PIK3C2B: variants seen among roughly 807,000 people sequenced by gnomAD.
The protein encoded by PIK3C2B is phosphatidylinositol 4-phosphate 3-kinase C2 domain-containing subunit beta.
Under a neutral mutation model 184.3 loss-of-function variants are expected in PIK3C2B, and 83 were observed. That is an observed-to-expected ratio of 0.45 (90% CI 0.38 to 0.54). The LOEUF is 0.54. PIK3C2B is among the 20% of genes least tolerant of loss of function. The probability of loss-of-function intolerance (pLI) is 0.00; values close to 1 mark genes in which losing one functional copy is unlikely to be tolerated. For synonymous variants in PIK3C2B, 779 were observed against 837.6 expected (o/e 0.93, Z 1.21); for missense variants, 1,736 against 2,113.5 (o/e 0.82, Z 3.50).
At chr1:204,472,614 A>C (rs1656386139) in intron 1 of PIK3C2B, among the ~76,000 whole-genome samples, 1 of 152,082 alleles carries the variant, frequency 6.6e-6, no homozygotes. Context: ...CCTCGTTTCT[A>C]CTAAAAATAC....
Position 204,468,986 on chromosome 1 carries a change from G to A in PIK3C2B, c.817C>T (p.Pro273Ser). 6.2e-7 allele frequency: 1 copy of A among 1,614,204 alleles called. No individual in the cohort carries two copies. Among genetic ancestry groups the A allele is most frequent in the Non-Finnish European group, 8.5e-7 (1 of 1,180,034 alleles). Reference protein sequence around the residue: ...LDFSKDTSGKPVARSKTMPPQ... With the variant: ...LDFSKDTSGKSVARSKTMPPQ... The stretch of plus-strand genomic sequence containing the variant: ...GGCATAGTCTTGCTCCTGGCCACGG[G>A]TTTTCCAGAGGTGTCTTTGCTGAAG... Residue 273 changes from proline to serine, a missense_variant, in exon 2 of 33, where the codon CCC (proline) becomes TCC (serine). By Grantham distance (74) the Pro-to-Ser change is moderately conservative. Coordinates refer to ENST00000684373, the MANE Select transcript of PIK3C2B (RefSeq NM_001377334.1).
chr1:204,466,987 A>C, intron 2 of PIK3C2B: 1 of 516,860 alleles, frequency 1.9e-6, no homozygotes, highest in South Asian at 1.4e-5. Flanking sequence ...CCCCCCTCCC[A>C]GCAGGCTGAG....
At chr1:204,461,351 C>G (rs1450172655) in intron 5 of PIK3C2B, among the ~76,000 whole-genome samples, 1 of 152,198 alleles carries the variant, frequency 6.6e-6, no homozygotes, top group Admixed American at 6.5e-5. Flanking sequence ...TAGGAGCCCT[C>G]GGCGATCCAA....
chr1:204,448,604 T>G (rs1265730145), intron 14 of PIK3C2B, among the ~76,000 whole-genome samples: 3 of 145,104 alleles, frequency 2.1e-5, no homozygotes, highest in African/African-American at 7.7e-5. Flanking sequence ...TGCCATTGCA[T>G]TCCAGCCTGG....
In PIK3C2B at chr1:204,441,463, A is replaced by G. The variant is rs1382030726; in HGVS notation, c.3249+8T>C. 1 of 1,591,488 alleles carries G rather than the reference A, an allele frequency of 6.3e-7. No individual in the cohort carries two copies. Among genetic ancestry groups the G allele is most frequent in the African/African-American group, 1.3e-5 (1 of 74,380 alleles). On this transcript the variant is annotated splice_region_variant and intron_variant, in intron 21 of 32. Transcript: ENST00000684373. ...CTGGTCCACCAGGCTTGAGTAAAGT[A>G]TTCTCACCTTGAAGATGACACGGAT... is the stretch of plus-strand genomic sequence containing the variant.
At chr1:204,431,598 A>G in intron 28 of PIK3C2B, 71 bp downstream of exon 28, 1 of 1,588,410 alleles carries the variant, frequency 6.3e-7, no homozygotes, top group Middle Eastern at 2.2e-4. Context: ...TGCAGCCCTG[A>G]CCACCTCCCA....
rs190353564 is a variant in PIK3C2B at position 204,437,586 on chromosome 1, G to A, written c.3516+1349C>T. 1.6e-3 allele frequency among the ~76,000 whole-genome samples: 241 copies of A among 152,264 alleles called. 1 individual carries two copies. The highest frequency in any genetic ancestry group is 5.4e-3 in the African/African-American group (226 of 41,534). ...AGGCATTCCAGTGGTTCAGGGGACC[G>A]ACAGCAAAGAGCTGAACAAAATCAA... On this transcript the variant is annotated intron_variant, in intron 23 of 32. Coordinates refer to ENST00000684373, the MANE Select transcript of PIK3C2B (RefSeq NM_001377334.1).
chr1:204,442,086 C>G (rs1310642735), intron 20 of PIK3C2B, among the ~76,000 whole-genome samples: 1 of 152,164 alleles, frequency 6.6e-6, no homozygotes, highest in Admixed American at 6.5e-5. Flanking sequence ...AACCTCCAAC[C>G]CAATTCCTCT....
Position 204,468,951 on chromosome 1 carries a change from C to T in PIK3C2B, c.852G>A (p.Val284=). Reference sequence around the variant, plus strand: ...AGCGGGAGGCATAGGTGCGGGGGGGCACCTGAGGGGGCATAGTCTTGCTCC... The same window carrying T: ...AGCGGGAGGCATAGGTGCGGGGGGGTACCTGAGGGGGCATAGTCTTGCTCC... ...VARSKTMPPQ[V]PPRTYASRYG... The change falls in exon 2 of 33, where the codon GTG becomes GTA. Residue 284 remains valine (V), a synonymous_variant. Transcript: ENST00000684373. 6.2e-7 allele frequency: 1 copy of T among 1,614,068 alleles called. No homozygotes were observed. Among genetic ancestry groups the T allele is most frequent in the South Asian group, 1.1e-5 (1 of 91,068 alleles).
intron 5 of PIK3C2B, among the ~76,000 whole-genome samples, chr1:204,461,962 G>A (rs370162757): frequency 2.5e-4 from 38 of 152,096 alleles, no homozygotes; most frequent in South Asian, 8.3e-4. Context: ...CCCCCGGAGC[G>A]TCCTTTCCAC....
chr1:204,443,711 G>A, intron 18 of PIK3C2B, 114 bp from the exon 19 acceptor site: 1 of 905,506 alleles, frequency 1.1e-6, no homozygotes, highest in Non-Finnish European at 1.8e-6. Flanking sequence ...CCCCGAACTT[G>A]GGAGGGAAAA....
At chr1:204,489,317 G>T (rs570598859) in intron 1 of PIK3C2B, among the ~76,000 whole-genome samples, 1 of 151,882 alleles carries the variant, frequency 6.6e-6, no homozygotes, top group East Asian at 1.9e-4. Flanking sequence ...ACAAGTGTGC[G>T]CCATCACACC....
intron 23 of PIK3C2B, among the ~76,000 whole-genome samples, chr1:204,436,467 T>G (rs1476982705): frequency 6.6e-6 from 1 of 151,936 alleles, no homozygotes; most frequent in Non-Finnish European, 1.5e-5. Context: ...GAGGTGGAGG[T>G]TGCAGTGATT....
At position 204,427,567 on chromosome 1, in the gene PIK3C2B, C is replaced by A. The variant is rs1014064078; in HGVS notation, c.4587+81G>T. ...GACTGTGGTGGTTACCCATATGACA[C>A]GCGGCAGAGAAGGTCTGCCCAAAAA... On this transcript the variant is annotated intron_variant, in intron 31 of 32. Coordinates refer to ENST00000684373, the MANE Select transcript of PIK3C2B (RefSeq NM_001377334.1). 5.8e-6 allele frequency: 5 copies of A among 864,476 alleles called. No homozygotes were observed. In the Admixed American group the frequency reaches 8.9e-5, roughly 15 times the overall value. The allele number at this position is 864,476 out of a possible 1,614,324, so 53.6% of individuals were successfully genotyped here.
chr1:204,448,621 G>A (rs7541979), intron 14 of PIK3C2B, among the ~76,000 whole-genome samples: 6,014 of 111,622 alleles, frequency 0.054, 447 homozygotes, highest in African/African-American at 0.18. Context: ...CTGGGTGACA[G>A]AGATCCTGTC....
intron 31 of PIK3C2B, among the ~76,000 whole-genome samples, chr1:204,426,629 G>A (rs1674756895): frequency 6.6e-6 from 1 of 152,136 alleles, no homozygotes. Context: ...CTGCCTGTGT[G>A]CCGTTCCCAA....
rs775573829 is a variant in PIK3C2B at position 204,469,054 on chromosome 1, C to T, written c.749G>A (p.Arg250Gln). ...LKSTYDAEML[R>Q]DATRGWKEGR... ...CTCCTTCCAGCCCCTGGTGGCATCC[C>T]GCAACATCTCCGCATCATAGGTCGA... The change falls in exon 2 of 33, where the codon CGG (arginine) becomes CAG (glutamine). Residue 250 changes from arginine to glutamine, a missense_variant. By Grantham distance (43) the Arg-to-Gln change is conservative. This residue lies in a region of PIK3C2B where 404 missense variants were observed against 418.0 expected (regional missense o/e 0.97). Coordinates refer to ENST00000684373, the MANE Select transcript of PIK3C2B (RefSeq NM_001377334.1). 8.7e-6 allele frequency: 14 copies of T among 1,614,066 alleles called. No homozygotes were observed. In the East Asian group the frequency reaches 1.6e-4, roughly 18 times the overall value.
At position 204,457,768 on chromosome 1, in the gene PIK3C2B, A is replaced by C. The variant is rs1654993693; in HGVS notation, c.1673T>G (p.Leu558Arg). ...TPEITSALNQ[L>R]PPCPSRMQPK... is the part of the protein sequence containing the mutation. Reference sequence around the variant, plus strand: ...CTGCATGCGGGAGGGGCAGGGGGGCAGCTGGTTGAGAGCACTGGTGATCTC... The same window carrying C: ...CTGCATGCGGGAGGGGCAGGGGGGCCGCTGGTTGAGAGCACTGGTGATCTC... The change falls in exon 9 of 33, where the codon CTG becomes CGG. Residue 558 changes from leucine (L) to arginine (R), a missense_variant. This residue lies in a region of PIK3C2B where 609 missense variants were observed against 699.2 expected (regional missense o/e 0.87). Transcript: ENST00000684373. The C allele has an allele frequency of 6.2e-7, 1 of 1,612,736 alleles. No individual in the cohort carries two copies. Among genetic ancestry groups the C allele is most frequent in the Non-Finnish European group, 8.5e-7 (1 of 1,179,478 alleles).
rs1383265317 is a variant in PIK3C2B, at chr1:204,427,675, G to A, written c.4560C>T (p.Phe1520=). The change falls in exon 31 of 33, where the codon TTC becomes TTT. Residue 1520 remains phenylalanine (F), a synonymous_variant. Transcript: ENST00000684373. ...AGCCCCGAATATGCATCACCATGAT[G>A]AAGAGTTTATTGTTTTTGTAGGAGA... The part of the protein sequence containing the change: ...LSISYKNNKL[F]IMVMHIRGLQ... 2 of 1,613,244 alleles carry A rather than the reference G, an allele frequency of 1.2e-6. No individual in the cohort carries two copies. The highest frequency in any genetic ancestry group is 2.2e-5 in the East Asian group (1 of 44,890).
Sources: gnomAD v4.1 joint callset for allele counts (sites outside exome capture counted in the v4.1 genomes callset) on GRCh38, gnomAD v4.1.1 for gene constraint, gnomAD v4.1.1 regional missense constraint, MANE v1.5 for transcripts, NCBI Gene and HGNC (gene_info 2026-07-23, HGNC 2026-07-21) for gene names.